The following PLCB4 variants were observed in gnomAD, a reference collection of about 807,000 sequenced individuals.
PLCB4 encodes the protein 1-phosphatidylinositol 4,5-bisphosphate phosphodiesterase beta-4.
In PLCB4, 77 loss-of-function variants were observed where a neutral mutation model predicts 178.8. That is an observed-to-expected ratio of 0.43 (90% CI 0.36 to 0.52). PLCB4 has a LOEUF of 0.52. Among genes scored for constraint, PLCB4 ranks in the 20% least tolerant of loss-of-function variants. The pLI is 0.00. For synonymous variants in PLCB4, 496 were observed against 490.8 expected (o/e 1.01, Z -0.14); for missense variants, 1,024 against 1,453.4 (o/e 0.70, Z 4.80).
At chr20:9,391,118 A>G (rs2038103961) in intron 17 of PLCB4, among the ~76,000 whole-genome samples, 1 of 152,204 alleles carries the variant, frequency 6.6e-6, no homozygotes, top group Non-Finnish European at 1.5e-5. Flanking sequence ...CCTGAAGTTC[A>G]TGTTCCTAAC....
intron 1 of PLCB4, among the ~76,000 whole-genome samples, chr20:9,077,401 T>A (rs759586258): frequency 1.1e-4 from 16 of 152,312 alleles, no homozygotes; most frequent in Middle Eastern, 3.4e-3. Context: ...TCCATGAAAT[T>A]TGTGGAACCT....
chr20:9,322,460 C>T (rs7272444), intron 4 of PLCB4, among the ~76,000 whole-genome samples: 30,721 of 152,126 alleles, frequency 0.2, 6,261 homozygotes, highest in African/African-American at 0.52. Context: ...AAATAGTAAG[C>T]ACTTGCTCCG....
At chr20:9,150,183 A>T (rs1268702651) in intron 2 of PLCB4, among the ~76,000 whole-genome samples, 1 of 152,208 alleles carries the variant, frequency 6.6e-6, no homozygotes, top group East Asian at 1.9e-4. Context: ...ACAGTGATTA[A>T]ACCATAAGAA....
chr20:9,357,709 G>T lies in PLCB4; in HGVS notation c.370-5187G>T, dbSNP rs544991192. Reference sequence around the variant, plus strand: ...CACTGCATGAGGACATAGCTAGAAGGCACTACCTATGAACTAGAAAGCTGC... The same window carrying T: ...CACTGCATGAGGACATAGCTAGAAGTCACTACCTATGAACTAGAAAGCTGC... On this transcript the variant is annotated intron_variant, in intron 7 of 39. Transcript: ENST00000378473. Among the ~76,000 whole-genome samples, 5 of 152,242 alleles carry T rather than the reference G, an allele frequency of 3.3e-5. No homozygotes were observed. The South Asian group carries it at 1.0e-3, about 32-fold the overall frequency.
At position 9,313,479 on chromosome 20, in the gene PLCB4, C is replaced by G. The variant is rs1384901991; in HGVS notation, c.84+5581C>G. Among the ~76,000 whole-genome samples, 4 of 152,178 alleles carry G rather than the reference C, an allele frequency of 2.6e-5. 1 individual carries two copies. The South Asian group carries it at 6.2e-4, about 24-fold the overall frequency. ...GATATGATTTAAAGTATAAAAGTAG[C>G]CAATCACAAACCAAAAATAAAATAA... is the stretch of plus-strand genomic sequence containing the variant. On this transcript the variant is annotated intron_variant, in intron 4 of 39. Coordinates refer to ENST00000378473, the MANE Select transcript of PLCB4 (RefSeq NM_001377142.1).
At chr20:9,414,853 G>A (rs2040132470) in intron 25 of PLCB4, among the ~76,000 whole-genome samples, 1 of 152,194 alleles carries the variant, frequency 6.6e-6, no homozygotes, top group Non-Finnish European at 1.5e-5. Flanking sequence ...ATAGGAAAGT[G>A]AGTGATTGAT....
chr20:9,334,159 G>T (rs2032101344), intron 4 of PLCB4, among the ~76,000 whole-genome samples: 1 of 152,144 alleles, frequency 6.6e-6, no homozygotes, highest in African/African-American at 2.4e-5. Flanking sequence ...GAAGGAAAAG[G>T]CGGGAAATTA....
intron 14 of PLCB4, among the ~76,000 whole-genome samples, chr20:9,385,504 C>T (rs1233171709): frequency 7.1e-6 from 1 of 140,648 alleles, no homozygotes; most frequent in East Asian, 2.3e-4. Context: ...ACTTCCCAGT[C>T]GTGGCGGCTG....
At chr20:9,175,139 G>T (rs925244382) in intron 2 of PLCB4, among the ~76,000 whole-genome samples, 5 of 152,180 alleles carry the variant, frequency 3.3e-5, no homozygotes, top group Admixed American at 2.6e-4. Context: ...AATGCACGTT[G>T]TCAGACCCCA....
chr20:9,428,845 C>T lies in PLCB4; in HGVS notation c.2524+4893C>T, dbSNP rs117811575. Among the ~76,000 whole-genome samples, 43 of 152,204 alleles carry T rather than the reference C, an allele frequency of 2.8e-4. No homozygotes were observed. In the East Asian group the frequency reaches 6.4e-3, roughly 23 times the overall value. On this transcript the variant is annotated intron_variant, in intron 28 of 39. Coordinates refer to ENST00000378473, the MANE Select transcript of PLCB4 (RefSeq NM_001377142.1). The stretch of plus-strand genomic sequence containing the variant: ...ATTTGAAAAGCATTGGTTAAACAAA[C>T]GAAAATCAACTGAGTTCTCCTGAAA...
Position 9,453,430 on chromosome 20 carries a change from G to GA in PLCB4, c.2968dup (p.Ile990AsnfsTer13). 6.2e-7 allele frequency: 1 copy of GA among 1,609,818 alleles called. No individual in the cohort carries two copies. The highest frequency in any genetic ancestry group is 8.5e-7 in the Non-Finnish European group (1 of 1,176,806). ...ATGACAAAGAGAAGTCGACTCATGA[G>GA]AAAATCCTAGAGAAGGCAATGAAGA... is the stretch of plus-strand genomic sequence containing the variant. On this transcript the variant is annotated frameshift_variant, in exon 33 of 40. Transcript: ENST00000378473. LOFTEE classifies it high-confidence loss of function.
chr20:9,070,168 T>C (rs1406370470), intron 1 of PLCB4, among the ~76,000 whole-genome samples: 1 of 152,180 alleles, frequency 6.6e-6, no homozygotes, highest in Non-Finnish European at 1.5e-5. Context: ...TAAAATGATA[T>C]TGAATTTCCC....
intron 3 of PLCB4, among the ~76,000 whole-genome samples, chr20:9,286,915 C>A (rs1459126845): frequency 6.6e-6 from 1 of 151,998 alleles, no homozygotes; most frequent in African/African-American, 2.4e-5. Context: ...GTGAGCCAAA[C>A]AACTTCTTCA....
chr20:9,177,929 G>A (rs1288287265), intron 2 of PLCB4, among the ~76,000 whole-genome samples: 2 of 152,120 alleles, frequency 1.3e-5, no homozygotes, highest in East Asian at 3.8e-4. Context: ...ATTGTCCTAT[G>A]GTATAAAAAC....
chr20:9,158,504 T>C (rs1452017923), intron 2 of PLCB4, among the ~76,000 whole-genome samples: 1 of 151,376 alleles, frequency 6.6e-6, no homozygotes, highest in Admixed American at 6.6e-5. Flanking sequence ...CCTGACCTCA[T>C]GTAATCCACC....
chr20:9,088,584 A>G (rs1256116003), intron 1 of PLCB4, among the ~76,000 whole-genome samples: 1 of 152,226 alleles, frequency 6.6e-6, no homozygotes, highest in Non-Finnish European at 1.5e-5. Flanking sequence ...GAATCAAGTC[A>G]TGGTGATTGC....
chr20:9,365,509 T>G lies in PLCB4; in HGVS notation c.498T>G (p.Val166=), dbSNP rs2035697303. The change falls in exon 9 of 40, where the codon GTT becomes GTG. Residue 166 remains valine, a synonymous_variant. Transcript: ENST00000378473. ...FMTNTNGKIP[V]RSITRTFASG... Reference sequence around the variant, plus strand: ...CCAACACAAATGGTAAAATTCCAGTTAGGAGGTAAGTAATCATTCCTATCT... The same window carrying G: ...CCAACACAAATGGTAAAATTCCAGTGAGGAGGTAAGTAATCATTCCTATCT... 1 of 1,600,738 alleles carries G rather than the reference T, an allele frequency of 6.2e-7. No individual in the cohort carries two copies. The highest frequency in any genetic ancestry group is 8.6e-7 in the Non-Finnish European group (1 of 1,168,462).
At chr20:9,286,639 G>A (rs940654686) in intron 3 of PLCB4, among the ~76,000 whole-genome samples, 1 of 151,948 alleles carries the variant, frequency 6.6e-6, no homozygotes, top group South Asian at 2.1e-4. Flanking sequence ...CTACATCTAG[G>A]TTCAAATATA....
intron 3 of PLCB4, among the ~76,000 whole-genome samples, chr20:9,281,275 A>G (rs1229023995): frequency 1.3e-5 from 2 of 152,048 alleles, no homozygotes; most frequent in Non-Finnish European, 2.9e-5. Flanking sequence ...TAAAGTCTCT[A>G]TACAGATTCA....
Sources: gnomAD v4.1 joint callset for allele counts (sites outside exome capture counted in the v4.1 genomes callset) on GRCh38, gnomAD v4.1.1 for gene constraint, MANE v1.5 for transcripts, NCBI Gene and HGNC (gene_info 2026-07-23, HGNC 2026-07-21) for gene names.